The following GABRA2 variants were observed in gnomAD, a reference collection of about 807,000 sequenced individuals.
GABRA2 encodes the protein gamma-aminobutyric acid type A receptor subunit alpha2.
In GABRA2, 16 loss-of-function variants were observed where a neutral mutation model predicts 48.7. The ratio of observed to expected loss-of-function variants is 0.33; its 90% CI spans 0.22 to 0.50. The LOEUF (loss-of-function observed/expected upper bound fraction) is 0.50. GABRA2 is among the 20% of genes least tolerant of loss of function. The pLI is 0.98. For synonymous variants in GABRA2, 185 were observed against 184.5 expected (o/e 1.00, Z -0.02); for missense variants, 275 against 535.6 (o/e 0.51, Z 4.80).
At chr4:46,270,999 A>C (rs1043219971) in intron 8 of GABRA2, among the ~76,000 whole-genome samples, 2 of 151,792 alleles carry the variant, frequency 1.3e-5, no homozygotes, top group Admixed American at 1.3e-4. Flanking sequence ...CTATATAAAA[A>C]AAAAAAAATA....
chr4:46,332,088 AT>A (rs1456061728), intron 4 of GABRA2, among the ~76,000 whole-genome samples: 3 of 152,054 alleles, frequency 2.0e-5, no homozygotes, highest in African/African-American at 7.2e-5. Flanking sequence ...CAACATTCTA[AT>A]TTTTTTAGGT....
chr4:46,370,923 A>C (rs1039123961), intron 3 of GABRA2, among the ~76,000 whole-genome samples: 2 of 151,830 alleles, frequency 1.3e-5, no homozygotes, highest in African/African-American at 2.4e-5. Context: ...CACACACACA[A>C]AACCACAGGA....
Position 46,332,668 on chromosome 4 carries a change from C to T in GABRA2, c.202G>A (p.Val68Ile). 1 of 1,582,168 alleles carries T rather than the reference C, an allele frequency of 6.3e-7. No individual in the cohort carries two copies. The highest frequency in any genetic ancestry group is 8.7e-7 in the Non-Finnish European group (1 of 1,151,342). The change falls in exon 4 of 10, where the codon GTC becomes ATC. Residue 68 changes from valine (V) to isoleucine (I), a missense_variant. Val to Ile is a conservative substitution (Grantham distance 29). Coordinates refer to ENST00000381620, the MANE Select transcript of GABRA2 (RefSeq NM_000807.4). ...CTGGTCACGTAGATGTTAGTGAAGA[C>T]TTCAGTAATACTGTCTAATATGAGA... ...RPGLGDSITE[V>I]FTNIYVTSFG...
intron 3 of GABRA2, chr4:46,364,009 T>C (rs527891944): frequency 9.9e-5 from 15 of 152,168 alleles, no homozygotes; most frequent in Non-Finnish European, 1.9e-4. Context: ...GACTCAGAAA[T>C]AAGATATTTT....
chr4:46,328,303 C>T (rs548121359), intron 4 of GABRA2, among the ~76,000 whole-genome samples: 64 of 150,680 alleles, frequency 4.2e-4, no homozygotes, highest in African/African-American at 1.3e-3. Context: ...TGTGCGCACA[C>T]GCATGTGTGT....
At chr4:46,385,906 T>G (rs1717382157) in intron 3 of GABRA2, among the ~76,000 whole-genome samples, 168 bp downstream of exon 3, 1 of 152,178 alleles carries the variant, frequency 6.6e-6, no homozygotes, top group African/African-American at 2.4e-5. Flanking sequence ...TATGTATGTA[T>G]AAAAGGAATC....
chr4:46,382,193 C>CACATATATAT (rs34058486), intron 3 of GABRA2, among the ~76,000 whole-genome samples: 3 of 148,356 alleles, frequency 2.0e-5, no homozygotes, highest in African/African-American at 7.4e-5. Context: ...CACACACACA[C>CACATATATAT]ATATATATAT....
chr4:46,355,732 T>A (rs1735851594), intron 3 of GABRA2, among the ~76,000 whole-genome samples: 1 of 152,114 alleles, frequency 6.6e-6, no homozygotes, highest in Non-Finnish European at 1.5e-5. Context: ...TGGAGGAAAA[T>A]ACATTACAAT....
At position 46,388,620 on chromosome 4, in the gene GABRA2, A is replaced by G; in HGVS notation, c.71+16T>C. On this transcript the variant is annotated intron_variant, in intron 2 of 9. Coordinates refer to ENST00000381620, the MANE Select transcript of GABRA2 (RefSeq NM_000807.4). ...TTGCCCTGAATTAAAATAGTCAAAT[A>G]CAATAAATATCTCACCTGGCAGGGT... The G allele has an allele frequency of 6.2e-7, 1 of 1,613,792 alleles. No individual in the cohort carries two copies. Among genetic ancestry groups the G allele is most frequent in the Non-Finnish European group, 8.5e-7 (1 of 1,179,850 alleles).
At chr4:46,354,152 C>T (rs1735602729) in intron 3 of GABRA2, among the ~76,000 whole-genome samples, 1 of 152,170 alleles carries the variant, frequency 6.6e-6, no homozygotes, top group Admixed American at 6.6e-5. Context: ...TACTCCTCCT[C>T]TTGGCAAATG....
At chr4:46,260,828 T>C (rs2109346191) in intron 9 of GABRA2, 1 of 151,964 alleles carries the variant, frequency 6.6e-6, no homozygotes, top group South Asian at 2.1e-4. Context: ...ACTTATAAAA[T>C]GAAATAAATA....
At chr4:46,377,967 C>T (rs9685760) in intron 3 of GABRA2, among the ~76,000 whole-genome samples, 61 of 132,118 alleles carry the variant, frequency 4.6e-4, no homozygotes, top group African/African-American at 1.5e-3. Context: ...GGCCAGCCGC[C>T]CCATCCAGGA....
At chr4:46,273,502 C>CAT (rs71637683) in intron 8 of GABRA2, among the ~76,000 whole-genome samples, 6,230 of 46,632 alleles carry the variant, frequency 0.13, 239 homozygotes, top group Non-Finnish European at 0.19. Flanking sequence ...TATATATATG[C>CAT]ATATATATAT....
At chr4:46,359,003 C>T (rs562234391) in intron 3 of GABRA2, among the ~76,000 whole-genome samples, 30 of 152,290 alleles carry the variant, frequency 2.0e-4, no homozygotes, top group African/African-American at 7.2e-4. Flanking sequence ...CATAAACACA[C>T]ACCTGTTATA....
At chr4:46,352,609 C>A (rs887834636) in intron 3 of GABRA2, among the ~76,000 whole-genome samples, 3 of 151,970 alleles carry the variant, frequency 2.0e-5, no homozygotes, top group Non-Finnish European at 4.4e-5. Flanking sequence ...AAGAGAATAA[C>A]GGAGATCCAC....
chr4:46,299,830 T>C (rs1179411695), intron 8 of GABRA2, among the ~76,000 whole-genome samples: 1 of 151,818 alleles, frequency 6.6e-6, no homozygotes, highest in African/African-American at 2.4e-5. Flanking sequence ...GCAGTATATG[T>C]AGTTTAATGA....
intron 3 of GABRA2, among the ~76,000 whole-genome samples, chr4:46,381,781 G>A (rs959626472): frequency 6.6e-6 from 1 of 152,276 alleles, no homozygotes; most frequent in East Asian, 1.9e-4. Flanking sequence ...CACAGGTACT[G>A]TAAATCAGGA....
intron 4 of GABRA2, among the ~76,000 whole-genome samples, chr4:46,319,938 A>G (rs1729171973): frequency 6.6e-6 from 1 of 151,914 alleles, no homozygotes; most frequent in Admixed American, 6.6e-5. Flanking sequence ...CAATTTCACA[A>G]GTGGAAAATA....
At chr4:46,387,811 T>A (rs1681494996) in intron 2 of GABRA2, among the ~76,000 whole-genome samples, 1 of 152,140 alleles carries the variant, frequency 6.6e-6, no homozygotes, top group African/African-American at 2.4e-5. Context: ...TAATAAAGAC[T>A]TATTAGATTT....
Sources: allele counts gnomAD v4.1 joint callset (sites outside exome capture counted in the v4.1 genomes callset), GRCh38; gene constraint gnomAD v4.1.1; transcripts MANE v1.5; gene names NCBI Gene and HGNC (gene_info 2026-07-23, HGNC 2026-07-21).